The following C10orf90 variants were observed in gnomAD, a reference collection of about 807,000 sequenced individuals.
C10orf90 encodes the protein (E2-independent) E3 ubiquitin-conjugating enzyme FATS.
Under a neutral mutation model 62.5 loss-of-function variants are expected in C10orf90, and 56 were observed. The observed-to-expected ratio is 0.90, with a 90% CI of 0.72 to 1.12. The LOEUF is 1.12. C10orf90 is among the 50% of genes most tolerant of loss of function. The probability of loss-of-function intolerance (pLI) is 0.00; values close to 1 mark genes in which losing one functional copy is unlikely to be tolerated. For synonymous variants in C10orf90, 386 were observed against 340.4 expected, an observed-to-expected ratio of 1.13 and a Z score of -1.47; for missense variants, 970 against 880.4, an observed-to-expected ratio of 1.10 and a Z score of -1.29.
At chr10:126,585,990 G>A (rs1265714983) in intron 2 of C10orf90, among the ~76,000 whole-genome samples, 1 of 152,214 alleles carries the variant, frequency 6.6e-6, no homozygotes, top group Non-Finnish European at 1.5e-5. Flanking sequence ...AATCATTGAA[G>A]ATTACTGAAC....
At chr10:126,457,356 T>C (rs1409380507) in intron 7 of C10orf90, among the ~76,000 whole-genome samples, 3 of 152,194 alleles carry the variant, frequency 2.0e-5, no homozygotes, top group Admixed American at 6.5e-5. Context: ...TCAGTACAGA[T>C]GGCCAAGGCC....
intron 4 of C10orf90, among the ~76,000 whole-genome samples, chr10:126,490,021 A>G (rs186166090): frequency 4.7e-5 from 3 of 63,914 alleles, no homozygotes; most frequent in Admixed American, 4.6e-4. Context: ...TATTATATAT[A>G]ATATATAATA....
chr10:126,604,065 A>T (rs1028317232), intron 2 of C10orf90, among the ~76,000 whole-genome samples: 19 of 152,336 alleles, frequency 1.2e-4, no homozygotes, highest in African/African-American at 4.3e-4. Context: ...CTGAACCCAA[A>T]GTGTGGCTTT....
chr10:126,479,482 A>G (rs1414639137), intron 4 of C10orf90, among the ~76,000 whole-genome samples: 1 of 152,114 alleles, frequency 6.6e-6, no homozygotes, highest in African/African-American at 2.4e-5. Flanking sequence ...TGGGCCAGAG[A>G]AGGTGCTCCT....
intron 2 of C10orf90, among the ~76,000 whole-genome samples, chr10:126,575,439 T>C (rs575033059): frequency 6.6e-6 from 1 of 151,688 alleles, no homozygotes; most frequent in African/African-American, 2.4e-5. Context: ...TACAAACAAA[T>C]GGAAAGACAC....
intron 4 of C10orf90, among the ~76,000 whole-genome samples, chr10:126,500,490 A>C (rs1351400783): frequency 6.6e-6 from 1 of 152,186 alleles, no homozygotes; most frequent in Non-Finnish European, 1.5e-5. Context: ...TCTAGAACAT[A>C]TGTTGTGGTT....
At chr10:126,469,376 T>G (rs1316217658) in intron 4 of C10orf90, among the ~76,000 whole-genome samples, 1 of 152,148 alleles carries the variant, frequency 6.6e-6, no homozygotes. Flanking sequence ...CCTGCCCTCT[T>G]AAAACAGACT....
At chr10:126,431,122 C>G (rs1857547184) in intron 7 of C10orf90, among the ~76,000 whole-genome samples, 1 of 152,182 alleles carries the variant, frequency 6.6e-6, no homozygotes. Context: ...AACTAAGTGG[C>G]TGTATTGACA....
chr10:126,663,380 A>G (rs764780779), intron 1 of C10orf90, among the ~76,000 whole-genome samples: 1 of 152,146 alleles, frequency 6.6e-6, no homozygotes, highest in African/African-American at 2.4e-5. Context: ...TCTGCAGAAG[A>G]AGACGTAACA....
At chr10:126,667,707 C>A (rs1846660634) in intron 1 of C10orf90, among the ~76,000 whole-genome samples, 1 of 152,182 alleles carries the variant, frequency 6.6e-6, no homozygotes, top group South Asian at 2.1e-4. Flanking sequence ...CATAGAGAGT[C>A]TCAGAAAGTG....
At chr10:126,491,988 G>T (rs1057207765) in intron 4 of C10orf90, among the ~76,000 whole-genome samples, 5 of 152,176 alleles carry the variant, frequency 3.3e-5, no homozygotes, top group Non-Finnish European at 1.5e-5. Context: ...AAAAGATGAA[G>T]AAGAAATCTG....
chr10:126,623,841 A>G, intron 2 of C10orf90, among the ~76,000 whole-genome samples: 1 of 23,122 alleles, frequency 4.3e-5, no homozygotes, highest in Non-Finnish European at 7.6e-5. Flanking sequence ...ACTCCATCTC[A>G]AAAAAAAAAA....
chr10:126,667,964 G>A (rs1357697895), intron 1 of C10orf90, among the ~76,000 whole-genome samples: 1 of 152,130 alleles, frequency 6.6e-6, no homozygotes, highest in Non-Finnish European at 1.5e-5. Context: ...GTAACTTTCA[G>A]TGCAGCAGGC....
chr10:126,495,292 G>A (rs1861982145), intron 4 of C10orf90, among the ~76,000 whole-genome samples: 1 of 152,166 alleles, frequency 6.6e-6, no homozygotes, highest in East Asian at 1.9e-4. Flanking sequence ...GGGAGGCCGA[G>A]ACGGGTGGAT....
intron 2 of C10orf90, among the ~76,000 whole-genome samples, chr10:126,614,477 C>T (rs1294876796): frequency 3.3e-5 from 5 of 152,172 alleles, no homozygotes; most frequent in Admixed American, 6.5e-5. Flanking sequence ...TCACCTTCTG[C>T]TCAATCCTGA....
chr10:126,628,004 C>G (rs1329865478), intron 2 of C10orf90, among the ~76,000 whole-genome samples: 1 of 152,186 alleles, frequency 6.6e-6, no homozygotes, highest in East Asian at 1.9e-4. Context: ...CTCGAAAGAG[C>G]AAGTGTCTCT....
At chr10:126,558,845 G>A (rs1406449299) in intron 2 of C10orf90, among the ~76,000 whole-genome samples, 1 of 152,234 alleles carries the variant, frequency 6.6e-6, no homozygotes, top group Non-Finnish European at 1.5e-5. Context: ...TGGATCCCCA[G>A]GGCCCAGCTC....
At chr10:126,463,039 C>T (rs1564809793) in intron 5 of C10orf90, among the ~76,000 whole-genome samples, 1 of 151,528 alleles carries the variant, frequency 6.6e-6, no homozygotes, top group African/African-American at 2.4e-5. Flanking sequence ...CTCCCAGTGC[C>T]CCTTCAGGCC....
At chr10:126,662,198 G>T (rs1054054245) in intron 1 of C10orf90, among the ~76,000 whole-genome samples, 1 of 152,132 alleles carries the variant, frequency 6.6e-6, no homozygotes. Flanking sequence ...ATCTAGGGTA[G>T]CCTTTACTGA....
Sources: allele counts gnomAD v4.1 joint callset (sites outside exome capture counted in the v4.1 genomes callset), GRCh38; gene constraint gnomAD v4.1.1; transcripts MANE v1.5; gene names NCBI Gene and HGNC (gene_info 2026-07-23, HGNC 2026-07-21).